COL5A1: variants seen among roughly 807,000 people sequenced by gnomAD.
COL5A1 encodes collagen type V alpha 1 chain, also known as collagen alpha-1(V) chain.
A neutral mutation model predicts 263.7 loss-of-function variants in COL5A1; 16 were observed. The ratio of observed to expected loss-of-function variants is 0.06; its 90% confidence interval spans 0.04 to 0.09. The LOEUF is 0.09. Ranked by LOEUF, COL5A1 falls within the 10% of genes least tolerant of loss-of-function variation. The probability of loss-of-function intolerance (pLI) is 1.00; values close to 1 mark genes in which losing one functional copy is unlikely to be tolerated. For synonymous variants in COL5A1, 1,012 were observed against 1,004.5 expected (o/e 1.01, Z -0.14); for missense variants, 2,036 against 2,540.5 (o/e 0.80, Z 4.27).
intron 16 of COL5A1, 80 bp from the exon 17 acceptor site, chr9:134,756,685 G>C (rs1835988117): frequency 6.7e-7 from 1 of 1,489,912 alleles, no homozygotes; most frequent in African/African-American, 1.4e-5. Context: ...GCTCAACTTG[G>C]TTTAACGGAA....
At chr9:134,791,380 C>G (rs1837685503) in intron 32 of COL5A1, among the ~76,000 whole-genome samples, 1 of 152,238 alleles carries the variant, frequency 6.6e-6, no homozygotes, top group Non-Finnish European at 1.5e-5. Flanking sequence ...GCCATCACAG[C>G]TCTTCAGAGC....
chr9:134,728,565 C>A, intron 5 of COL5A1, 105 bp from the exon 6 acceptor site: 1 of 1,530,840 alleles, frequency 6.5e-7, no homozygotes, highest in Non-Finnish European at 9.0e-7. Flanking sequence ...TGGGGCTGGA[C>A]GGGGCGTCGT....
intron 24 of COL5A1, 64 bp downstream of exon 24, chr9:134,767,418 C>A (rs1836716938): frequency 6.8e-7 from 1 of 1,463,160 alleles, no homozygotes; most frequent in Admixed American, 1.7e-5. Context: ...CTGGCCCCAC[C>A]CTGGGAGGAC....
chr9:134,749,396 T>C (rs1006818812), intron 11 of COL5A1, among the ~76,000 whole-genome samples: 1 of 152,252 alleles, frequency 6.6e-6, no homozygotes, highest in African/African-American at 2.4e-5. Flanking sequence ...TCACTTTCAC[T>C]GTATAAATGT....
At chr9:134,750,452 G>C (rs1835734900) in intron 11 of COL5A1, 90 bp from the exon 12 acceptor site, 2 of 1,166,078 alleles carry the variant, frequency 1.7e-6, no homozygotes. Flanking sequence ...TTTCCCGGGT[G>C]GGCCGCTTCT....
At chr9:134,669,235 T>TTCCCTTCCCTTCCCTTC (rs1564376301) in intron 1 of COL5A1, among the ~76,000 whole-genome samples, 19 of 20,194 alleles carry the variant, frequency 9.4e-4, no homozygotes, top group South Asian at 3.5e-3. Context: ...CCCTTCCCTT[T>TTCCCTTCCCTTCCCTTC]CCTTCCCTTC....
chr9:134,721,704 C>T (rs955719511), intron 4 of COL5A1, among the ~76,000 whole-genome samples: 16 of 152,352 alleles, frequency 1.1e-4, no homozygotes, highest in African/African-American at 3.8e-4. Context: ...TGGAAGGTGG[C>T]ACAGAAGGAG....
intron 46 of COL5A1, among the ~76,000 whole-genome samples, chr9:134,812,145 C>T (rs1239538398): frequency 2.0e-5 from 3 of 152,204 alleles, no homozygotes; most frequent in Non-Finnish European, 4.4e-5. Context: ...AGTAAGCCAG[C>T]ATCTGGTGGT....
Position 134,830,173 on chromosome 9 carries a change from C to G in COL5A1, c.5136+129C>G, listed in dbSNP as rs774487789. ...GGTATAGTCAGTACAAGCGGGGGTC[C>G]CTGGTAAGTGGCCACCTCGGCCCGG... On this transcript the variant is annotated intron_variant, in intron 64 of 65. Coordinates refer to ENST00000371817, the MANE Select transcript of COL5A1 (RefSeq NM_000093.5). 9.3e-6 allele frequency: 15 copies of G among 1,609,438 alleles called. No homozygotes were observed. Among genetic ancestry groups the G allele is most frequent in the Admixed American group, 5.0e-5 (3 of 59,412 alleles).
chr9:134,760,043 T>TCATACATGCACACCCACGCACACACGC (rs1836258495), intron 18 of COL5A1, among the ~76,000 whole-genome samples: 1 of 46,998 alleles, frequency 2.1e-5, no homozygotes, highest in African/African-American at 1.1e-4. Context: ...CACACGCACA[T>TCATACATGCACACCCACGCACACACGC]ACACACCCAC....
intron 4 of COL5A1, among the ~76,000 whole-genome samples, chr9:134,718,616 T>G (rs770965862): frequency 2.0e-5 from 3 of 152,152 alleles, no homozygotes; most frequent in Non-Finnish European, 4.4e-5. Flanking sequence ...TAGGGCTGTG[T>G]GGGTGATGGG....
At chr9:134,815,702 TC>T in intron 51 of COL5A1, 73 bp downstream of exon 51, 1 of 1,521,296 alleles carries the variant, frequency 6.6e-7, no homozygotes, top group Non-Finnish European at 9.0e-7. Flanking sequence ...CCATTTCCCC[TC>T]TTTCTGGTGG....
chr9:134,737,281 C>T (rs1189958997), intron 9 of COL5A1, among the ~76,000 whole-genome samples: 2 of 152,180 alleles, frequency 1.3e-5, no homozygotes, highest in African/African-American at 4.8e-5. Context: ...TGGGTGTCGC[C>T]GAGGCCACAC....
chr9:134,831,449 C>CA (rs887864081), intron 64 of COL5A1, among the ~76,000 whole-genome samples: 1 of 152,150 alleles, frequency 6.6e-6, no homozygotes, highest in Non-Finnish European at 1.5e-5. Flanking sequence ...TGCTGTGTTC[C>CA]AAAAAGAGCT....
intron 2 of COL5A1, among the ~76,000 whole-genome samples, chr9:134,693,977 C>A (rs1309531509): frequency 6.6e-6 from 1 of 152,212 alleles, no homozygotes. Flanking sequence ...TTCTAGAGAC[C>A]CGTACCTGCC....
At chr9:134,830,224 C>T (rs1290991701) in intron 64 of COL5A1, 180 bp downstream of exon 64, 1 of 1,565,046 alleles carries the variant, frequency 6.4e-7, no homozygotes, top group Admixed American at 1.8e-5. Context: ...CTGCTTGCGG[C>T]ACGGCTGGCT....
At chr9:134,836,527 G>A (rs971253569) in intron 65 of COL5A1, among the ~76,000 whole-genome samples, 7 of 152,226 alleles carry the variant, frequency 4.6e-5, no homozygotes, top group Non-Finnish European at 8.8e-5. Flanking sequence ...GCCGGCGTTA[G>A]GGCCGGCCCT....
chr9:134,722,399 G>A (rs942174344), intron 4 of COL5A1, among the ~76,000 whole-genome samples: 2 of 152,232 alleles, frequency 1.3e-5, no homozygotes, highest in Non-Finnish European at 2.9e-5. Flanking sequence ...CCTGGGTGCT[G>A]TGTGCCCACA....
intron 59 of COL5A1, among the ~76,000 whole-genome samples, chr9:134,822,576 A>G (rs1316753632): frequency 6.6e-6 from 1 of 152,048 alleles, no homozygotes; most frequent in East Asian, 1.9e-4. Flanking sequence ...TTCCCAGGGC[A>G]TCCCCACAGC....
Sources: gnomAD v4.1 joint callset for allele counts (sites outside exome capture counted in the v4.1 genomes callset) on GRCh38, gnomAD v4.1.1 for gene constraint, MANE v1.5 for transcripts, NCBI Gene and HGNC (gene_info 2026-07-23, HGNC 2026-07-21) for gene names.